Variants in TECPR2 observed in about 807,000 individuals in gnomAD.
TECPR2 encodes tectonin beta-propeller repeat containing 2, also known as tectonin beta-propeller repeat-containing protein 2.
A neutral mutation model predicts 138.1 loss-of-function variants in TECPR2; 65 were observed. The ratio of observed to expected loss-of-function variants is 0.47; its 90% CI spans 0.39 to 0.58. The LOEUF is 0.58. TECPR2 is among the 20% of genes least tolerant of loss of function. The probability of loss-of-function intolerance (pLI) is 0.00; values close to 1 mark genes in which losing one functional copy is unlikely to be tolerated. For missense variants in TECPR2, 1,553 were observed against 1,824.5 expected (o/e 0.85, Z 2.71); for synonymous variants, 746 against 749.8 (o/e 0.99, Z 0.08).
chr14:102,450,483 C>T lies in TECPR2; in HGVS notation c.3317-77C>T, dbSNP rs1358305355. On this transcript the variant is annotated intron_variant, in intron 14 of 19. Transcript: ENST00000359520. ...GAGAAAGGGTTTGAAGGCCAGCTGT[C>T]GTCCAGAACTAAGATCTGAAGTGGT... 26 of 1,418,394 alleles carry T rather than the reference C, an allele frequency of 1.8e-5. No homozygotes were observed. The South Asian group carries it at 1.9e-4, about 10-fold the overall frequency. 87.9% of individuals were successfully genotyped at this position (1,418,394 alleles called of 1,614,324 possible).
At position 102,438,006 on chromosome 14, in the gene TECPR2, G is replaced by A; in HGVS notation, c.2395-16G>A. On this transcript the variant is annotated splice_polypyrimidine_tract_variant and intron_variant, in intron 9 of 19. Coordinates refer to ENST00000359520, the MANE Select transcript of TECPR2 (RefSeq NM_014844.5). The stretch of plus-strand genomic sequence containing the variant: ...GTGTCCTCTGCCACAGAACTCACTG[G>A]CTCTTCCCTTGTTAGTTTGCAGAAA... 1 of 1,611,578 alleles carries A rather than the reference G, an allele frequency of 6.2e-7. No individual in the cohort carries two copies.
chr14:102,449,986 T>A (rs1044957253), intron 14 of TECPR2, 117 bp downstream of exon 14: 10 of 1,472,562 alleles, frequency 6.8e-6, no homozygotes, highest in Non-Finnish European at 9.1e-6. Flanking sequence ...GCCAGTGGTA[T>A]GAAGTGTCTA....
intron 10 of TECPR2, 38 bp downstream of exon 10, chr14:102,438,243 C>G (rs541926917): frequency 2.0e-5 from 28 of 1,389,708 alleles, no homozygotes; most frequent in Non-Finnish European, 2.7e-5. Flanking sequence ...TCCCTGCTCC[C>G]GCTCGCCGCT....
At chr14:102,496,827 C>A in intron 17 of TECPR2, 152 bp from the exon 18 acceptor site, 3 of 1,135,972 alleles carry the variant, frequency 2.6e-6, no homozygotes, top group Non-Finnish European at 3.7e-6. Context: ...GTGAGACTGG[C>A]ACTAGGGGCA....
At chr14:102,384,846 C>CT (rs58616138) in intron 2 of TECPR2, among the ~76,000 whole-genome samples, 3,114 of 99,390 alleles carry the variant, frequency 0.031, 274 homozygotes, top group African/African-American at 0.043. Flanking sequence ...TTTTCCTTTC[C>CT]TTTTTTTTTT....
In TECPR2 at chr14:102,443,248, G is replaced by T. The variant is rs2058566988; in HGVS notation, c.2753-399G>T. Among the ~76,000 whole-genome samples the T allele has an allele frequency of 6.6e-6, 1 of 152,228 alleles. No homozygotes were observed. Among genetic ancestry groups the T allele is most frequent in the Non-Finnish European group, 1.5e-5 (1 of 68,040 alleles). On this transcript the variant is annotated intron_variant, in intron 11 of 19. Coordinates refer to ENST00000359520, the MANE Select transcript of TECPR2 (RefSeq NM_014844.5). This position sits in a 1 kb window ranked among gnomAD's most constrained non-coding sequence, Gnocchi z 4.9. ...CTTAGAACTTCTTAAGCTACATTGG[G>T]ACACCAGATAATTCTGAATTGTTCA... is the stretch of plus-strand genomic sequence containing the variant.
rs1173914021 is a variant in TECPR2, at chr14:102,454,868, C to T, written c.3640+2241C>T. Among the ~76,000 whole-genome samples, 3 of 152,322 alleles carry T rather than the reference C, an allele frequency of 2.0e-5. 1 individual carries two copies. Among genetic ancestry groups the T allele is most frequent in the Middle Eastern group, 6.8e-3 (2 of 294 alleles). ...AGCCCCTCCAGGAAGGCTGCTGCAC[C>T]GTGGTGGGATTCAGAGTGAATGGGC... On this transcript the variant is annotated intron_variant, in intron 16 of 19. Coordinates refer to ENST00000359520, the MANE Select transcript of TECPR2 (RefSeq NM_014844.5).
rs368473676 is a variant in TECPR2 at position 102,434,552 on chromosome 14, C to A, written c.1735C>A (p.Arg579=). ...GCCACACTGTCACCATGCACATGGG[C>A]GGGAGCTGCTCAATGGAGCGAGGGA... ...EMPHCHHAHG[R]ELLNGAREDV... The change falls in exon 9 of 20, where the codon CGG becomes AGG. Residue 579 remains arginine (R), a synonymous_variant. Transcript: ENST00000359520. The A allele has an allele frequency of 1.9e-6, 3 of 1,557,324 alleles. No individual in the cohort carries two copies. The highest frequency in any genetic ancestry group is 2.6e-6 in the Non-Finnish European group (3 of 1,149,122).
chr14:102,364,021 G>A (rs1887273218), intron 1 of TECPR2, among the ~76,000 whole-genome samples: 1 of 152,122 alleles, frequency 6.6e-6, no homozygotes, highest in Non-Finnish European at 1.5e-5. Context: ...TGGGATTCAG[G>A]AATTTTATTC....
rs1453876557 is a variant in TECPR2, at chr14:102,498,866, C to T, written c.*609C>T. ...GAACCCACGCACATGCACACCACAA[C>T]ACACAACACACCTCACCTCACACCA... On this transcript the variant is annotated 3_prime_UTR_variant, in exon 20 of 20. Transcript: ENST00000359520. 1.5e-6 allele frequency: 1 copy of T among 658,876 alleles called. No homozygotes were observed. The highest frequency in any genetic ancestry group is 1.8e-5 in the African/African-American group (1 of 56,378). The allele number at this position is 658,876 out of a possible 1,614,324, so 40.8% of individuals were successfully genotyped here. A position where few individuals can be genotyped will look rare whatever the true frequency, so the allele number is the denominator to read the frequency against.
chr14:102,442,917 A>T (rs1889872781), intron 11 of TECPR2, among the ~76,000 whole-genome samples: 1 of 152,242 alleles, frequency 6.6e-6, no homozygotes, highest in African/African-American at 2.4e-5. Context: ...GAACACAAGG[A>T]GGCAAGGGGA....
chr14:102,476,206 C>CAAAAA (rs58293049), intron 17 of TECPR2, among the ~76,000 whole-genome samples: 20 of 59,674 alleles, frequency 3.4e-4, no homozygotes, highest in East Asian at 5.1e-4. Context: ...GACTCTGTCT[C>CAAAAA]AAAAAAAAAA....
chr14:102,484,421 T>C (rs1245102864), intron 17 of TECPR2, among the ~76,000 whole-genome samples: 1 of 152,168 alleles, frequency 6.6e-6, no homozygotes, highest in Non-Finnish European at 1.5e-5. Flanking sequence ...TCTTCAGATG[T>C]TGGCAGTCCC....
intron 16 of TECPR2, among the ~76,000 whole-genome samples, chr14:102,461,475 A>G (rs1890408972): frequency 1.3e-5 from 2 of 152,230 alleles, no homozygotes; most frequent in African/African-American, 4.8e-5. Context: ...TCCTAAAGGG[A>G]AAATGTCTGC....
intron 16 of TECPR2, among the ~76,000 whole-genome samples, chr14:102,464,342 A>G (rs1057320435): frequency 6.6e-6 from 1 of 152,196 alleles, no homozygotes; most frequent in Non-Finnish European, 1.5e-5. Flanking sequence ...ATCAGTCTCA[A>G]TAGCAGTAAG....
At chr14:102,394,230 C>T (rs937921086) in intron 2 of TECPR2, among the ~76,000 whole-genome samples, 16 of 152,110 alleles carry the variant, frequency 1.1e-4, no homozygotes, top group Admixed American at 5.2e-4. Context: ...AAGTATCGAG[C>T]ACAGAGGCAG....
intron 5 of TECPR2, 138 bp downstream of exon 5, chr14:102,414,931 G>C: frequency 9.9e-7 from 1 of 1,015,212 alleles, no homozygotes; most frequent in African/African-American, 1.6e-5. Context: ...GGGGTTCCTG[G>C]TGGGGCCCTG....
chr14:102,460,607 C>CTT (rs1890383790), intron 16 of TECPR2, among the ~76,000 whole-genome samples: 1 of 144,246 alleles, frequency 6.9e-6, no homozygotes, highest in African/African-American at 2.5e-5. Context: ...GAGCAAGACT[C>CTT]TGTCTCAAAA....
At position 102,500,946 on chromosome 14, in the gene TECPR2, G is replaced by A. The variant is rs1225722159; in HGVS notation, c.*2689G>A. On this transcript the variant is annotated 3_prime_UTR_variant, in exon 20 of 20. Coordinates refer to ENST00000359520, the MANE Select transcript of TECPR2 (RefSeq NM_014844.5). ...CTTGCTCAAGGTCACACAGCACTGG[G>A]ACTGGAAGCCAGCTCTGTAGAACTG... 1 of 152,278 alleles carries A rather than the reference G, an allele frequency of 6.6e-6. No individual in the cohort carries two copies. The highest frequency in any genetic ancestry group is 2.4e-5 in the African/African-American group (1 of 41,468). The allele number at this position is 152,278 out of a possible 1,614,324, so 9.4% of individuals were successfully genotyped here.
Sources: allele counts gnomAD v4.1 joint callset (sites outside exome capture counted in the v4.1 genomes callset), GRCh38; gene constraint gnomAD v4.1.1; non-coding constraint Gnocchi (gnomAD v3.1); transcripts MANE v1.5; gene names NCBI Gene and HGNC (gene_info 2026-07-23, HGNC 2026-07-21).